Variants in STK36 observed in about 807,000 individuals in gnomAD.
STK36 encodes the protein serine/threonine-protein kinase 36.
Under a neutral mutation model 142.2 loss-of-function variants are expected in STK36, and 116 were observed. The ratio of observed to expected loss-of-function variants is 0.82; its 90% CI spans 0.70 to 0.95. The LOEUF is 0.95. STK36 is among the 40% of genes least tolerant of loss of function. STK36 has a pLI of 0.00. For synonymous variants in STK36, 619 were observed against 641.7 expected (o/e 0.96, Z 0.53); for missense variants, 1,422 against 1,617.2 (o/e 0.88, Z 2.07).
Position 218,680,692 on chromosome 2 carries a change from T to C in STK36, c.1226T>C (p.Leu409Pro). ...CAGCGGAGCACTGATGTAGTGGACC[T>C]GGAAAATGAGGTGAGCCCTAGGGTC... ...LGQRSTDVVDLENEEPDSDNE... is the reference protein window; with the variant it reads ...LGQRSTDVVDPENEEPDSDNE... The change falls in exon 10 of 27, where the codon CTG becomes CCG. Residue 409 changes from leucine (L) to proline (P), a missense_variant. Leu to Pro is a moderately conservative substitution (Grantham distance 98). Around this residue, in one of 2 missense-constraint regions of STK36, gnomAD observed 962 missense variants for 1,167.5 expected, o/e 0.82. Coordinates refer to ENST00000295709, the MANE Select transcript of STK36 (RefSeq NM_015690.5). 6.2e-7 allele frequency: 1 copy of C among 1,612,038 alleles called. No homozygotes were observed. The highest frequency in any genetic ancestry group is 8.5e-7 in the Non-Finnish European group (1 of 1,179,282).
intron 26 of STK36, among the ~76,000 whole-genome samples, chr2:218,699,906 T>C (rs1017242861): frequency 6.6e-6 from 1 of 152,024 alleles, no homozygotes; most frequent in Non-Finnish European, 1.5e-5. Context: ...ATCCTTCCTC[T>C]TCTGCGCAAC....
chr2:218,675,197 C>A, intron 4 of STK36, 146 bp from the exon 5 acceptor site: 2 of 842,830 alleles, frequency 2.4e-6, no homozygotes, highest in Non-Finnish European at 3.5e-6. Context: ...ACAAGGGGAA[C>A]AATAACTAAG....
Position 218,673,734 on chromosome 2 carries a change from A to G in STK36, c.194A>G (p.His65Arg). Residue 65 changes from histidine to arginine, a missense_variant, in exon 3 of 27, where the codon CAT becomes CGT. This residue lies in a region of STK36 where 460 missense variants were observed against 449.6 expected (regional missense o/e 1.02). Transcript: ENST00000295709. ...MRGLRHPNIV[H>R]MLDSFETDKE... Reference sequence around the variant, plus strand: ...GGTCTGCGGCATCCCAACATTGTGCATATGCTTGACAGCTTTGAAACTGAT... The same window carrying G: ...GGTCTGCGGCATCCCAACATTGTGCGTATGCTTGACAGCTTTGAAACTGAT... 6.2e-7 allele frequency: 1 copy of G among 1,614,192 alleles called. No homozygotes were observed. The highest frequency in any genetic ancestry group is 8.5e-7 in the Non-Finnish European group (1 of 1,180,038).
rs375432678 is a variant in STK36 at position 218,694,538 on chromosome 2, G to A, written c.2414G>A (p.Cys805Tyr). The A allele has an allele frequency of 6.2e-6, 10 of 1,614,086 alleles. No individual in the cohort carries two copies. The highest frequency in any genetic ancestry group is 1.1e-5 in the South Asian group (1 of 91,096). ...CCTCTCCCACAGAGTGCAGCAGCCTGTCTATTGGGACAGCTTGGTCAGCAA... is the reference window on the plus strand; with the variant it reads ...CCTCTCCCACAGAGTGCAGCAGCCTATCTATTGGGACAGCTTGGTCAGCAA... Reference protein sequence around the residue: ...HVVSLVSAAACLLGQLGQQGV... With the variant: ...HVVSLVSAAAYLLGQLGQQGV... The change falls in exon 21 of 27, where the codon TGT (cysteine) becomes TAT (tyrosine). Residue 805 changes from cysteine (C) to tyrosine (Y), a missense_variant. Transcript: ENST00000295709. The surrounding 1 kb of genome is among the most constrained non-coding windows in gnomAD (Gnocchi z 4.4).
At position 218,679,653 on chromosome 2, in the gene STK36, G is replaced by A. The variant is rs145016265; in HGVS notation, c.872G>A (p.Arg291Gln). The change falls in exon 8 of 27, where the codon CGG (arginine) becomes CAG (glutamine). Residue 291 changes from arginine (R) to glutamine (Q), a missense_variant. This residue lies in a region of STK36 where 460 missense variants were observed against 449.6 expected (regional missense o/e 1.02). Coordinates refer to ENST00000295709, the MANE Select transcript of STK36 (RefSeq NM_015690.5). ...GTCCTAAAGGACGAACAGGCCCATC[G>A]GTTGGCCCCCAAGGGTAATCAGTCT... Reference protein sequence around the residue: ...LQVLKDEQAHRLAPKGNQSRI... With the variant: ...LQVLKDEQAHQLAPKGNQSRI... 4.2e-5 allele frequency: 68 copies of A among 1,614,040 alleles called. No homozygotes were observed. In the African/African-American group the frequency reaches 5.1e-4, roughly 12 times the overall value.
In STK36 at chr2:218,699,302, C is replaced by T; in HGVS notation, c.3758C>T (p.Ala1253Val). Residue 1253 changes from alanine to valine, a missense_variant, in exon 26 of 27, where the codon GCC becomes GTC. Ala to Val is a moderately conservative substitution (Grantham distance 64). Transcript: ENST00000295709. ...CCCCAGCCAAATGTGAAGGAGGCTG[C>T]CCTCATTGCCCTCCGGAGCCTGCAA... is the stretch of plus-strand genomic sequence containing the variant. ...GDPQPNVKEA[A>V]LIALRSLQQE... The T allele has an allele frequency of 1.9e-6, 3 of 1,614,012 alleles. No homozygotes were observed. The highest frequency in any genetic ancestry group is 2.5e-6 in the Non-Finnish European group (3 of 1,179,990).
Position 218,693,330 on chromosome 2 carries a change from C to A in STK36, c.2134C>A (p.Leu712Met), listed in dbSNP as rs1206129838. Residue 712 changes from leucine (L) to methionine (M), a missense_variant, in exon 17 of 27, where the codon CTG becomes ATG. Around this residue, in one of 2 missense-constraint regions of STK36, gnomAD observed 962 missense variants for 1,167.5 expected, o/e 0.82. Coordinates refer to ENST00000295709, the MANE Select transcript of STK36 (RefSeq NM_015690.5). ...ISGLQHPILC[L>M]HLLKVLYSCC... Reference sequence around the variant, plus strand: ...TGGCCTGCAGCATCCCATCCTGTGCCTGCACCTTCTCAAGGTAATCCTCTT... The same window carrying A: ...TGGCCTGCAGCATCCCATCCTGTGCATGCACCTTCTCAAGGTAATCCTCTT... 2 of 1,614,042 alleles carry A rather than the reference C, an allele frequency of 1.2e-6. No individual in the cohort carries two copies. The highest frequency in any genetic ancestry group is 1.7e-6 in the Non-Finnish European group (2 of 1,180,010).
intron 14 of STK36, among the ~76,000 whole-genome samples, chr2:218,691,246 G>A (rs1940986185): frequency 2.6e-5 from 4 of 152,194 alleles, no homozygotes; most frequent in African/African-American, 9.7e-5. Flanking sequence ...TTGTAAGGAA[G>A]TAAATAATTG....
chr2:218,673,603 C>T (rs1940089684), intron 2 of STK36, 22 bp from the exon 3 acceptor site: 1 of 1,603,810 alleles, frequency 6.2e-7, no homozygotes, highest in Admixed American at 1.7e-5. Context: ...TAGGCGTTAA[C>T]TTTTCACCTT....
Position 218,698,612 on chromosome 2 carries a change from A to G in STK36, c.3068A>G (p.Tyr1023Cys), listed in dbSNP as rs1240041651. 2 of 1,613,606 alleles carry G rather than the reference A, an allele frequency of 1.2e-6. No homozygotes were observed. Among genetic ancestry groups the G allele is most frequent in the Non-Finnish European group, 1.7e-6 (2 of 1,179,778 alleles). ...VAAHLLQVCC[Y>C]HLPLMQVELP... ...CTCCTGTTCTCTCAGGTCTGCTGCT[A>G]CCATCTTCCGTTGATGCAAGTGGAG... is the stretch of plus-strand genomic sequence containing the variant. The change falls in exon 26 of 27, where the codon TAC (tyrosine) becomes TGC (cysteine). Residue 1023 changes from tyrosine to cysteine, a missense_variant. Physicochemically the swap from Tyr to Cys is radical, Grantham distance 194. Coordinates refer to ENST00000295709, the MANE Select transcript of STK36 (RefSeq NM_015690.5).
rs756082874 is a variant in STK36, at chr2:218,697,077, A to C, written c.2625A>C (p.Ser875=). ...KASLIRDMSS[S]EMWTVLWHRF... ...GCCTAATCAGGGATATGTCCAGTTC[A>C]GAAATGTGGACCGTTTTGTGGCACC... Residue 875 remains serine (S), a synonymous_variant, in exon 23 of 27, where the codon TCA becomes TCC. Transcript: ENST00000295709. The C allele has an allele frequency of 5.0e-6, 8 of 1,614,154 alleles. No individual in the cohort carries two copies.
At chr2:218,688,935 C>A in intron 12 of STK36, 59 bp downstream of exon 12, 1 of 1,483,004 alleles carries the variant, frequency 6.7e-7, no homozygotes, top group Non-Finnish European at 9.0e-7. Flanking sequence ...TTGGATTTAT[C>A]TCATTCAGAT....
rs114975104 is a variant in STK36, at chr2:218,700,250, C to A, written c.3804+902C>A. 6.8e-3 allele frequency among the ~76,000 whole-genome samples: 1,033 copies of A among 152,058 alleles called. 14 individuals carry two copies. Among genetic ancestry groups the A allele is most frequent in the African/African-American group, 0.024 (995 of 41,482 alleles). On this transcript the variant is annotated intron_variant, in intron 26 of 26. Transcript: ENST00000295709. Reference sequence around the variant, plus strand: ...GACTGAATATCACTCGTTGCCCAGGCCAGAATACAGTGGCGCAATCTCAGC... The same window carrying A: ...GACTGAATATCACTCGTTGCCCAGGACAGAATACAGTGGCGCAATCTCAGC...
Position 218,694,641 on chromosome 2 carries a change from GC to G in STK36, c.2511+12del, listed in dbSNP as rs533165574. On this transcript the variant is annotated splice_region_variant and intron_variant, in intron 21 of 26. Transcript: ENST00000295709. This position sits in a 1 kb window ranked among gnomAD's most constrained non-coding sequence, Gnocchi z 4.4. Reference sequence around the variant, plus strand: ...CCTTGTCTGCCCCTGCAGAGGTGAGGCCCCCCAGGGAGGGCACAGACATGTT... The same window carrying G: ...CCTTGTCTGCCCCTGCAGAGGTGAGGCCCCCAGGGAGGGCACAGACATGTT... The G allele has an allele frequency of 2.1e-3, 3,346 of 1,612,960 alleles. 9 individuals are homozygous for G. Among genetic ancestry groups the G allele is most frequent in the Non-Finnish European group, 2.3e-3 (2,682 of 1,178,904 alleles).
In STK36 at chr2:218,694,084, G is replaced by T; in HGVS notation, c.2336+101G>T. The stretch of plus-strand genomic sequence containing the variant: ...GGTACCCTACAGCATATCCTTAGGA[G>T]GAATTGGGATAGAGAGCGTGAAGCT... On this transcript the variant is annotated intron_variant, in intron 19 of 26. Coordinates refer to ENST00000295709, the MANE Select transcript of STK36 (RefSeq NM_015690.5). This position sits in a 1 kb window ranked among gnomAD's most constrained non-coding sequence, Gnocchi z 4.4. 1 of 1,314,844 alleles carries T rather than the reference G, an allele frequency of 7.6e-7. No individual in the cohort carries two copies. The highest frequency in any genetic ancestry group is 1.1e-6 in the Non-Finnish European group (1 of 913,302). The allele number at this position is 1,314,844 out of a possible 1,614,324, so 81.4% of individuals were successfully genotyped here. A position where few individuals can be genotyped will look rare whatever the true frequency, so the allele number is the denominator to read the frequency against.
intron 10 of STK36, among the ~76,000 whole-genome samples, chr2:218,682,304 T>G (rs72963905): frequency 0.28 from 42,328 of 152,000 alleles, 7,518 homozygotes; most frequent in Non-Finnish European, 0.39. Flanking sequence ...TCTCTCTCTC[T>G]CCCCCTATGG....
rs183081687 is a variant in STK36 at position 218,698,281 on chromosome 2, T to C, written c.3057+280T>C. ...CTAGTCTAGGCACTGAAGACTCACC[T>C]CCTTGGCCAGGAATCATGTTTCTGG... On this transcript the variant is annotated intron_variant, in intron 25 of 26. Coordinates refer to ENST00000295709, the MANE Select transcript of STK36 (RefSeq NM_015690.5). Among the ~76,000 whole-genome samples, 160 of 152,300 alleles carry C rather than the reference T, an allele frequency of 1.1e-3. 1 individual carries two copies. Among genetic ancestry groups the C allele is most frequent in the African/African-American group, 3.6e-3 (150 of 41,560 alleles).
chr2:218,686,007 G>A (rs950547539), intron 11 of STK36, among the ~76,000 whole-genome samples: 8 of 150,846 alleles, frequency 5.3e-5, no homozygotes, highest in Non-Finnish European at 1.2e-4. Flanking sequence ...GTGTGATCTC[G>A]GCTCACTGCA....
intron 11 of STK36, 103 bp downstream of exon 11, chr2:218,685,331 A>C (rs1940730269): frequency 3.4e-6 from 5 of 1,464,088 alleles, no homozygotes; most frequent in African/African-American, 1.4e-5. Flanking sequence ...GTCCTTTTCC[A>C]GTTCTTCAGT....
Sources: allele counts gnomAD v4.1 joint callset (sites outside exome capture counted in the v4.1 genomes callset), GRCh38; gene constraint gnomAD v4.1.1; regional missense constraint gnomAD v4.1.1; non-coding constraint Gnocchi (gnomAD v3.1); transcripts MANE v1.5; gene names NCBI Gene and HGNC (gene_info 2026-07-23, HGNC 2026-07-21).